SLC45A4: variants seen among roughly 807,000 people sequenced by gnomAD.
SLC45A4 encodes polyamine-transporter SLC45A4.
Under a neutral mutation model 63.7 loss-of-function variants are expected in SLC45A4, and 32 were observed. The observed-to-expected ratio is 0.50, with a 90% CI of 0.38 to 0.67. The LOEUF (loss-of-function observed/expected upper bound fraction) is 0.67, where lower values mean the gene tolerates loss of function less well. SLC45A4 is among the 30% of genes least tolerant of loss of function. The probability of loss-of-function intolerance (pLI) is 0.00; values close to 1 mark genes in which losing one functional copy is unlikely to be tolerated. For synonymous variants in SLC45A4, 535 were observed against 510.0 expected (o/e 1.05, Z -0.66); for missense variants, 1,027 against 1,157.7 (o/e 0.89, Z 1.64).
At chr8:141,268,952 G>C (rs964242342) in intron 1 of SLC45A4, among the ~76,000 whole-genome samples, 1 of 152,204 alleles carries the variant, frequency 6.6e-6, no homozygotes. Context: ...CAGTTTCAAC[G>C]AGGCATGTGA....
chr8:141,245,747 G>A (rs749447562), intron 2 of SLC45A4, among the ~76,000 whole-genome samples: 1 of 152,158 alleles, frequency 6.6e-6, no homozygotes, highest in African/African-American at 2.4e-5. Context: ...GGGAAGGGAG[G>A]GGCCTCCCAG....
rs752612515 is a variant in SLC45A4 at position 141,218,530 on chromosome 8, G to A, written c.1110C>T (p.Asp370=). The change falls in exon 5 of 9, where the codon GAC becomes GAT. Residue 370 remains aspartate, a synonymous_variant. Transcript: ENST00000517878. ...TCAAGTGATTATCCAGCAAGGTCTC[G>A]TCCTCCTTGGCGGCTTCCTTGAGGA... ...ATFLKEAAKE[D]ETLLDNHLNE... The A allele has an allele frequency of 8.1e-6, 13 of 1,613,554 alleles. No homozygotes were observed. In the East Asian group the frequency reaches 8.9e-5, roughly 11 times the overall value.
chr8:141,280,020 G>A (rs150053655), intron 1 of SLC45A4, among the ~76,000 whole-genome samples: 51 of 152,356 alleles, frequency 3.3e-4, no homozygotes, highest in Non-Finnish European at 5.6e-4. Context: ...CGGCCACAGG[G>A]CAGCGAGGCA....
intron 2 of SLC45A4, among the ~76,000 whole-genome samples, chr8:141,240,962 G>T (rs1479207572): frequency 1.3e-5 from 2 of 152,224 alleles, no homozygotes; most frequent in Non-Finnish European, 2.9e-5. Flanking sequence ...ATGGGAGGGG[G>T]AGTATCTTCC....
rs957371572 is a variant in SLC45A4, at chr8:141,228,207, C to T, written c.242-6442G>A. Reference sequence around the variant, plus strand: ...TCTGAAGACTCCATTGATTTGACCTCAGTGGACTCACAAGGGTCTTTGGAC... The same window carrying T: ...TCTGAAGACTCCATTGATTTGACCTTAGTGGACTCACAAGGGTCTTTGGAC... On this transcript the variant is annotated intron_variant, in intron 2 of 8. Coordinates refer to ENST00000517878, the MANE Select transcript of SLC45A4 (RefSeq NM_001286646.2). 1.9e-6 allele frequency: 3 copies of T among 1,614,006 alleles called. No homozygotes were observed. In the African/African-American group the frequency reaches 4.0e-5, roughly 22 times the overall value.
chr8:141,216,683 G>A (rs535356538), intron 6 of SLC45A4, among the ~76,000 whole-genome samples: 5 of 151,612 alleles, frequency 3.3e-5, no homozygotes, highest in South Asian at 2.1e-4. Flanking sequence ...GCTGCAGGAC[G>A]GAAGCCTGTC....
At chr8:141,247,052 TAAAC>T (rs1467230466) in intron 2 of SLC45A4, among the ~76,000 whole-genome samples, 1 of 151,448 alleles carries the variant, frequency 6.6e-6, no homozygotes, top group East Asian at 1.9e-4. Context: ...AAATAGAAAA[TAAAC>T]AACAGAGGAA....
At chr8:141,285,639 C>T (rs751944241) in intron 1 of SLC45A4, among the ~76,000 whole-genome samples, 6 of 152,240 alleles carry the variant, frequency 3.9e-5, no homozygotes, top group African/African-American at 1.4e-4. Flanking sequence ...CAAAGAGACG[C>T]GCACCCCAAG....
Position 141,215,654 on chromosome 8 carries a change from T to C in SLC45A4, c.1941+105A>G. On this transcript the variant is annotated intron_variant, in intron 7 of 8. Coordinates refer to ENST00000517878, the MANE Select transcript of SLC45A4 (RefSeq NM_001286646.2). The surrounding 1 kb of genome is among the most constrained non-coding windows in gnomAD (Gnocchi z 4.3). ...CAGAACCGGAGAGGAAGGAGGGCCA[T>C]CTGTGTCGTGAACGTCCCCCCGGGG... 8.6e-7 allele frequency: 1 copy of C among 1,167,944 alleles called. No individual in the cohort carries two copies. The highest frequency in any genetic ancestry group is 1.3e-5 in the South Asian group (1 of 75,710). 72.3% of individuals were successfully genotyped at this position (1,167,944 alleles called of 1,614,324 possible). A position where few individuals can be genotyped will look rare whatever the true frequency, so the allele number is the denominator to read the frequency against.
intron 1 of SLC45A4, among the ~76,000 whole-genome samples, chr8:141,287,497 A>C (rs1485613134): frequency 6.6e-6 from 1 of 152,174 alleles, no homozygotes; most frequent in African/African-American, 2.4e-5. Context: ...GCAAGTCTGG[A>C]GTTTCCCATT....
At position 141,240,314 on chromosome 8, in the gene SLC45A4, C is replaced by T. The variant is rs9644537; in HGVS notation, c.241+13675G>A. On this transcript the variant is annotated intron_variant, in intron 2 of 8. Coordinates refer to ENST00000517878, the MANE Select transcript of SLC45A4 (RefSeq NM_001286646.2). ...CTCATGAGTCAAACTGAGACTGCAA[C>T]AAAAGAACGCCCCTTTTTTCTTTTA... 6.6e-4 allele frequency among the ~76,000 whole-genome samples: 101 copies of T among 152,336 alleles called. 3 individuals carry two copies. The East Asian group carries it at 0.017, about 25-fold the overall frequency.
chr8:141,211,691 C>A lies in SLC45A4; in HGVS notation c.2308G>T (p.Ala770Ser), dbSNP rs759862226. 1.6e-5 allele frequency: 24 copies of A among 1,547,942 alleles called. No homozygotes were observed. In the East Asian group the frequency reaches 5.3e-4, roughly 34 times the overall value. ...GAGATCTGACAGACGTCAATACCTG[C>A]AGGCGTCTACAGAGAGGAAATTTGA... ...GPVETESVTP[A>S]GIDVCQISSH... Residue 770 changes from alanine to serine, a missense_variant, in exon 9 of 9, where the codon GCA (alanine) becomes TCA (serine). Coordinates refer to ENST00000517878, the MANE Select transcript of SLC45A4 (RefSeq NM_001286646.2).
rs963458978 is a variant in SLC45A4, at chr8:141,209,640, G to A, written c.*1932C>T. On this transcript the variant is annotated 3_prime_UTR_variant, in exon 9 of 9. Coordinates refer to ENST00000517878, the MANE Select transcript of SLC45A4 (RefSeq NM_001286646.2). ...GCTTGACGAGTCTACAAAGTGTGCA[G>A]CCACCGACTCCTGTCACCGAGGAGC... is the stretch of plus-strand genomic sequence containing the variant. 3 of 152,412 alleles carry A rather than the reference G, an allele frequency of 2.0e-5. No individual in the cohort carries two copies. Among genetic ancestry groups the A allele is most frequent in the African/African-American group, 7.2e-5 (3 of 41,572 alleles). The allele number at this position is 152,412 out of a possible 1,614,324, so 9.4% of individuals were successfully genotyped here.
chr8:141,302,409 G>A (rs987095370), intron 1 of SLC45A4, among the ~76,000 whole-genome samples: 1 of 2,600 alleles, frequency 3.8e-4, no homozygotes, highest in Non-Finnish European at 8.1e-4. Flanking sequence ...CCCTCCCCCC[G>A]ACCCCACCCC....
chr8:141,299,465 A>C (rs554997748), intron 1 of SLC45A4, among the ~76,000 whole-genome samples: 2 of 152,202 alleles, frequency 1.3e-5, no homozygotes, highest in Non-Finnish European at 2.9e-5. Flanking sequence ...AGACCACCTG[A>C]GCTGTGGGTG....
chr8:141,267,889 G>A (rs1055210568), intron 1 of SLC45A4, among the ~76,000 whole-genome samples: 2 of 152,070 alleles, frequency 1.3e-5, no homozygotes, highest in South Asian at 4.1e-4. Flanking sequence ...CAACCACTTC[G>A]AAAGACGGTT....
chr8:141,290,584 G>A (rs759461749), intron 1 of SLC45A4, among the ~76,000 whole-genome samples: 100 of 152,196 alleles, frequency 6.6e-4, no homozygotes, highest in Non-Finnish European at 1.2e-3. Context: ...TCATGACAAC[G>A]ACATGAAACA....
intron 2 of SLC45A4, chr8:141,253,180 C>A (rs1479064887): frequency 4.3e-5 from 5 of 116,428 alleles, no homozygotes; most frequent in African/African-American, 1.4e-4. Context: ...TTCATGCCCA[C>A]CTGCGGGTCT....
chr8:141,246,192 A>G (rs1828183430), intron 2 of SLC45A4, among the ~76,000 whole-genome samples: 1 of 152,172 alleles, frequency 6.6e-6, no homozygotes, highest in Non-Finnish European at 1.5e-5. Flanking sequence ...CAATGTACCC[A>G]AAGTTATACA....
Sources: allele counts gnomAD v4.1 joint callset (sites outside exome capture counted in the v4.1 genomes callset), GRCh38; gene constraint gnomAD v4.1.1; non-coding constraint Gnocchi (gnomAD v3.1); transcripts MANE v1.5; gene names NCBI Gene and HGNC (gene_info 2026-07-23, HGNC 2026-07-21).